PIEZO2: variants seen among roughly 807,000 people sequenced by gnomAD.
The protein encoded by PIEZO2 is piezo type mechanosensitive ion channel component 2, also known as piezo-type mechanosensitive ion channel component 2.
A neutral mutation model predicts 337.3 loss-of-function variants in PIEZO2; 172 were observed. The observed-to-expected ratio is 0.51, with a 90% CI of 0.45 to 0.58. The LOEUF (loss-of-function observed/expected upper bound fraction) is 0.58, where lower values mean the gene tolerates loss of function less well. Ranked by LOEUF, PIEZO2 falls within the 20% of genes least tolerant of loss-of-function variation. PIEZO2 has a pLI of 0.00. For synonymous variants in PIEZO2, 1,251 were observed against 1,228.5 expected (o/e 1.02, Z -0.38); for missense variants, 3,028 against 3,391.3 (o/e 0.89, Z 2.66).
chr18:10,738,729 CT>C (rs1836407511), intron 33 of PIEZO2: 1 of 152,090 alleles, frequency 6.6e-6, no homozygotes, highest in African/African-American at 2.4e-5. Flanking sequence ...TACTTTTATC[CT>C]CAGAACTTGG....
Position 11,048,758 on chromosome 18 carries a change from G to C in PIEZO2, c.160+17369C>G, listed in dbSNP as rs960704848. ...TAAATAATACTATACCTGTCTCATG[G>C]GTATGGAAGCATTAAATGAATTACT... On this transcript the variant is annotated intron_variant, in intron 2 of 55. Coordinates refer to ENST00000674853, the MANE Select transcript of PIEZO2 (RefSeq NM_001378183.1). The surrounding 1 kb of genome is among the most constrained non-coding windows in gnomAD (Gnocchi z 4.5). Among the ~76,000 whole-genome samples, 3 of 152,084 alleles carry C rather than the reference G, an allele frequency of 2.0e-5. No homozygotes were observed. The highest frequency in any genetic ancestry group is 1.9e-4 in the East Asian group (1 of 5,188).
Position 10,750,119 on chromosome 18 carries a change from C to A in PIEZO2, c.4236G>T (p.Leu1412=). 3 of 1,537,106 alleles carry A rather than the reference C, an allele frequency of 2.0e-6. No individual in the cohort carries two copies. The South Asian group carries it at 3.6e-5, about 18-fold the overall frequency. The change falls in exon 29 of 56, where the codon CTG becomes CTT. Residue 1412 remains leucine (L), a synonymous_variant. Transcript: ENST00000674853. The surrounding 1 kb of genome is among the most constrained non-coding windows in gnomAD (Gnocchi z 4.1). ...NSCWLIQAFS[L]ACTVKGYQMP... ...TTTGATAGCCTTTGACTGTGCAGGCCAGGCTGAAAGCCTGGATCAACCAAC... is the reference window on the plus strand; with the variant it reads ...TTTGATAGCCTTTGACTGTGCAGGCAAGGCTGAAAGCCTGGATCAACCAAC...
At chr18:10,964,444 A>T (rs944095586) in intron 3 of PIEZO2, among the ~76,000 whole-genome samples, 19 of 152,366 alleles carry the variant, frequency 1.2e-4, no homozygotes, top group African/African-American at 4.6e-4. Context: ...AAACACAAAT[A>T]GTAAACACAT....
chr18:10,759,623 T>A lies in PIEZO2; in HGVS notation c.3656-40A>T. On this transcript the variant is annotated intron_variant, in intron 25 of 55. Transcript: ENST00000674853. This position sits in a 1 kb window ranked among gnomAD's most constrained non-coding sequence, Gnocchi z 5.5. ...GTGGCGAACAGCACAATCAATACTC[T>A]TCTTCACCACTCTTCTCCCAGCCGT... 1.3e-6 allele frequency: 2 copies of A among 1,534,936 alleles called. No homozygotes were observed. Among genetic ancestry groups the A allele is most frequent in the South Asian group, 2.4e-5 (2 of 84,006 alleles).
chr18:10,678,130 A>G (rs759413419), intron 52 of PIEZO2, among the ~76,000 whole-genome samples: 1 of 152,230 alleles, frequency 6.6e-6, no homozygotes, highest in Non-Finnish European at 1.5e-5. Context: ...CCTGCTGACC[A>G]AAAGAGAACC....
chr18:10,680,531 T>C (rs2034218401), intron 51 of PIEZO2, among the ~76,000 whole-genome samples, 160 bp from the exon 52 acceptor site: 1 of 152,222 alleles, frequency 6.6e-6, no homozygotes. Flanking sequence ...TTGCACTAAT[T>C]TGGCTTCCTT....
At chr18:10,717,844 C>CT (rs1192077988) in intron 37 of PIEZO2, among the ~76,000 whole-genome samples, 1 of 152,208 alleles carries the variant, frequency 6.6e-6, no homozygotes, top group Non-Finnish European at 1.5e-5. Flanking sequence ...CTCCTCCTCT[C>CT]TGTGTTTTTT....
intron 4 of PIEZO2, among the ~76,000 whole-genome samples, chr18:10,879,123 C>T (rs959044274): frequency 1.3e-5 from 2 of 152,144 alleles, no homozygotes; most frequent in Non-Finnish European, 2.9e-5. Flanking sequence ...GTTCTCTAAC[C>T]TAATCATAAG....
intron 4 of PIEZO2, among the ~76,000 whole-genome samples, chr18:10,908,094 C>T (rs546112941): frequency 3.3e-5 from 5 of 152,296 alleles, no homozygotes; most frequent in East Asian, 3.9e-4. Flanking sequence ...ACTGTGACTA[C>T]GTGTATTTAT....
At chr18:10,891,948 T>C (rs2042769678) in intron 4 of PIEZO2, among the ~76,000 whole-genome samples, 2 of 152,212 alleles carry the variant, frequency 1.3e-5, no homozygotes, top group Non-Finnish European at 2.9e-5. Flanking sequence ...TGTTTCTTCA[T>C]GCAGTTCAAG....
chr18:10,937,393 C>A (rs1159223577), intron 3 of PIEZO2, among the ~76,000 whole-genome samples: 1 of 152,106 alleles, frequency 6.6e-6, no homozygotes, highest in Non-Finnish European at 1.5e-5. Flanking sequence ...TCTCACATGT[C>A]CCAGGCCCAC....
rs1468215560 is a variant in PIEZO2 at position 11,110,118 on chromosome 18, C to T, written c.64+38407G>A. On this transcript the variant is annotated intron_variant, in intron 1 of 55. Transcript: ENST00000674853. This position sits in a 1 kb window ranked among gnomAD's most constrained non-coding sequence, Gnocchi z 4.2. ...ACAACTTGGGAAGTTTCAGCCTTTC[C>T]TTTTCTTTTTAAAATTCTTATTTAA... is the stretch of plus-strand genomic sequence containing the variant. Among the ~76,000 whole-genome samples, 1 of 152,020 alleles carries T rather than the reference C, an allele frequency of 6.6e-6. No homozygotes were observed. Among genetic ancestry groups the T allele is most frequent in the Admixed American group, 6.6e-5 (1 of 15,260 alleles).
intron 7 of PIEZO2, among the ~76,000 whole-genome samples, chr18:10,841,098 C>A (rs923721480): frequency 6.6e-6 from 1 of 152,112 alleles, no homozygotes; most frequent in Non-Finnish European, 1.5e-5. Flanking sequence ...AATTTTATTT[C>A]TTGTTCAGGT....
At chr18:10,693,949 A>G (rs2034972921) in intron 47 of PIEZO2, among the ~76,000 whole-genome samples, 1 of 152,194 alleles carries the variant, frequency 6.6e-6, no homozygotes, top group Non-Finnish European at 1.5e-5. Context: ...TGAAAAAATT[A>G]TAATATTTGT....
intron 2 of PIEZO2, among the ~76,000 whole-genome samples, chr18:10,999,179 A>G (rs922326693): frequency 7.0e-6 from 1 of 143,356 alleles, no homozygotes; most frequent in Non-Finnish European, 1.5e-5. Flanking sequence ...GTGGAAAGGC[A>G]ACAGCAAAAA....
chr18:10,691,059 G>T (rs540978345), intron 48 of PIEZO2, among the ~76,000 whole-genome samples, 166 bp downstream of exon 48: 2 of 152,168 alleles, frequency 1.3e-5, no homozygotes, highest in Non-Finnish European at 2.9e-5. Context: ...ACATAGAAAG[G>T]TGTTTAAAGA....
chr18:10,866,431 A>G (rs375736084), intron 5 of PIEZO2, among the ~76,000 whole-genome samples: 2,474 of 151,876 alleles, frequency 0.016, 53 homozygotes, highest in African/African-American at 0.047. Context: ...GACTACAGGC[A>G]CCCGCCACCA....
chr18:11,066,693 G>A (rs1026724642), intron 1 of PIEZO2, among the ~76,000 whole-genome samples: 3 of 152,100 alleles, frequency 2.0e-5, no homozygotes, highest in Non-Finnish European at 2.9e-5. Context: ...TCTGCCTCCT[G>A]GGTTCAAGTG....
intron 39 of PIEZO2, among the ~76,000 whole-genome samples, chr18:10,710,989 C>CTAAA (rs563395177): frequency 4.2e-4 from 64 of 152,338 alleles, no homozygotes; most frequent in Non-Finnish European, 8.4e-4. Context: ...AAACCTAATT[C>CTAAA]TAAAGGTGCT....
Sources: allele counts gnomAD v4.1 joint callset (sites outside exome capture counted in the v4.1 genomes callset), GRCh38; gene constraint gnomAD v4.1.1; non-coding constraint Gnocchi (gnomAD v3.1); transcripts MANE v1.5; gene names NCBI Gene and HGNC (gene_info 2026-07-23, HGNC 2026-07-21).